The following SEMA6A variants were observed in gnomAD, a reference collection of about 807,000 sequenced individuals.
SEMA6A encodes the protein semaphorin 6A.
In SEMA6A, 25 loss-of-function variants were observed where a neutral mutation model predicts 96.8. That is an observed-to-expected ratio of 0.26 (90% CI 0.19 to 0.36). The LOEUF (loss-of-function observed/expected upper bound fraction) is 0.36. Among genes scored for constraint, SEMA6A ranks in the 10% least tolerant of loss-of-function variants. The pLI is 1.00. For synonymous variants in SEMA6A, 612 were observed against 518.0 expected (o/e 1.18, Z -2.46); for missense variants, 1,363 against 1,323.1 (o/e 1.03, Z -0.47).
intron 1 of SEMA6A, among the ~76,000 whole-genome samples, chr5:116,530,720 C>G (rs1164656972): frequency 6.6e-6 from 1 of 151,986 alleles, no homozygotes; most frequent in African/African-American, 2.4e-5. Flanking sequence ...AAATTTTTAC[C>G]TTTAAAAACA....
At chr5:116,513,525 C>T (rs1758518165) in intron 1 of SEMA6A, among the ~76,000 whole-genome samples, 1 of 152,044 alleles carries the variant, frequency 6.6e-6, no homozygotes, top group Non-Finnish European at 1.5e-5. Context: ...ACATGTATGG[C>T]TTACTTGTAA....
chr5:116,521,874 C>T (rs6898539), intron 1 of SEMA6A, among the ~76,000 whole-genome samples: 3,781 of 152,080 alleles, frequency 0.025, 152 homozygotes, highest in African/African-American at 0.087. Flanking sequence ...AGTTGTTATA[C>T]ACCAGAAAAA....
intron 1 of SEMA6A, among the ~76,000 whole-genome samples, chr5:116,517,401 G>T (rs1758721412): frequency 6.6e-6 from 1 of 151,984 alleles, no homozygotes; most frequent in African/African-American, 2.4e-5. Flanking sequence ...TCCCAACACT[G>T]GTTTTGCTAA....
chr5:116,468,054 C>CCCAACA (rs774971431), intron 17 of SEMA6A: 217 of 338,174 alleles, frequency 6.4e-4, no homozygotes, highest in Admixed American at 1.1e-3. Flanking sequence ...AAAGATACCT[C>CCCAACA]TCGGTGTTGG....
At chr5:116,508,780 A>G (rs1239571339) in intron 1 of SEMA6A, among the ~76,000 whole-genome samples, 3 of 152,138 alleles carry the variant, frequency 2.0e-5, no homozygotes, top group African/African-American at 7.2e-5. Context: ...CTCTCTCCAG[A>G]CGGAAACATT....
chr5:116,468,764 A>G (rs1193685195), intron 17 of SEMA6A: 1 of 152,162 alleles, frequency 6.6e-6, no homozygotes, highest in Non-Finnish European at 1.5e-5. Flanking sequence ...ACACAGAACA[A>G]CCTCTTGAAC....
At chr5:116,505,878 GA>G (rs11290509) in intron 1 of SEMA6A, among the ~76,000 whole-genome samples, 142,376 of 145,048 alleles carry the variant, frequency 0.98, 69,867 homozygotes, top group Middle Eastern at 1. Context: ...TGGATACAGT[GA>G]AAAAAAAAAA....
chr5:116,520,161 T>C (rs890028450), intron 1 of SEMA6A, among the ~76,000 whole-genome samples: 2 of 152,204 alleles, frequency 1.3e-5, no homozygotes, highest in Middle Eastern at 3.4e-3. Context: ...TCATGGACTT[T>C]CTGCTCTCTC....
At chr5:116,484,565 A>G (rs577157952) in intron 10 of SEMA6A, among the ~76,000 whole-genome samples, 8 of 152,234 alleles carry the variant, frequency 5.3e-5, no homozygotes, top group African/African-American at 1.9e-4. Context: ...CGGAGGTTGC[A>G]GCGAGTAGAG....
intron 1 of SEMA6A, among the ~76,000 whole-genome samples, chr5:116,567,015 G>A (rs1761050717): frequency 6.6e-6 from 1 of 152,142 alleles, no homozygotes; most frequent in African/African-American, 2.4e-5. Flanking sequence ...TTGTCATTAT[G>A]AGTTGCTTTC....
chr5:116,502,384 A>C, intron 2 of SEMA6A, 57 bp from the exon 3 acceptor site: 1 of 1,439,642 alleles, frequency 6.9e-7, no homozygotes, highest in Non-Finnish European at 9.8e-7. Context: ...AGGAATTGAC[A>C]GGGTAGGGAG....
intron 1 of SEMA6A, among the ~76,000 whole-genome samples, chr5:116,533,909 A>G (rs1015986711): frequency 6.6e-6 from 1 of 152,066 alleles, no homozygotes; most frequent in African/African-American, 2.4e-5. Flanking sequence ...AGCCTCCACA[A>G]GGCAGCCATC....
intron 16 of SEMA6A, among the ~76,000 whole-genome samples, chr5:116,474,113 A>C (rs984483910): frequency 6.6e-6 from 1 of 152,172 alleles, no homozygotes; most frequent in Admixed American, 6.5e-5. Flanking sequence ...TGGACATTTT[A>C]TAGACACAGT....
chr5:116,497,262 C>A lies in SEMA6A; in HGVS notation c.279+65G>T, dbSNP rs940339705. ...ACATCATCTTAATGCACTTAAAATA[C>A]ATATTCTGTTCAAGAACTATCCAAA... On this transcript the variant is annotated intron_variant, in intron 4 of 18. Transcript: ENST00000343348. The A allele has an allele frequency of 3.1e-6, 3 of 968,218 alleles. No individual in the cohort carries two copies. The African/African-American group carries it at 4.9e-5, about 16-fold the overall frequency. 60.0% of individuals were successfully genotyped at this position (968,218 alleles called of 1,614,324 possible).
At chr5:116,569,306 C>A (rs1434390385) in intron 1 of SEMA6A, among the ~76,000 whole-genome samples, 1 of 151,988 alleles carries the variant, frequency 6.6e-6, no homozygotes. Context: ...AAGAACCATC[C>A]CAAGGCATGA....
At chr5:116,474,487 CAT>C (rs1409953121) in intron 16 of SEMA6A, among the ~76,000 whole-genome samples, 1 of 152,030 alleles carries the variant, frequency 6.6e-6, no homozygotes, top group Admixed American at 6.6e-5. Context: ...GTGTGTAAGA[CAT>C]AATAAGAATT....
chr5:116,447,416 G>C lies in SEMA6A; in HGVS notation c.2290C>G (p.Leu764Val), dbSNP rs371026428. ...ALPTPESTPT[L>V]QQKRKPSRGS... ...CGGCTGGGCTTCCGCTTCTGCTGCA[G>C]CGTTGGGGTTGACTCTGGGGTGGGG... is the stretch of plus-strand genomic sequence containing the variant. Residue 764 changes from leucine (L) to valine (V), a missense_variant, in exon 19 of 19, where the codon CTG becomes GTG. This residue lies in a region of SEMA6A where 883 missense variants were observed against 763.6 expected (regional missense o/e 1.16). Coordinates refer to ENST00000343348, the MANE Select transcript of SEMA6A (RefSeq NM_020796.5). 8.1e-6 allele frequency: 13 copies of C among 1,614,078 alleles called. No homozygotes were observed. The highest frequency in any genetic ancestry group is 8.0e-5 in the African/African-American group (6 of 75,076).
chr5:116,464,344 T>C (rs1755598010), intron 18 of SEMA6A, among the ~76,000 whole-genome samples: 1 of 152,188 alleles, frequency 6.6e-6, no homozygotes, highest in African/African-American at 2.4e-5. Flanking sequence ...GCTGTGTTTT[T>C]ACTAATGAAT....
chr5:116,474,943 T>C (rs1756375217), intron 16 of SEMA6A, among the ~76,000 whole-genome samples: 1 of 152,172 alleles, frequency 6.6e-6, no homozygotes, highest in Non-Finnish European at 1.5e-5. Context: ...TTACGTAAAG[T>C]TCTAACTAAA....
Sources: gnomAD v4.1 joint callset for allele counts (sites outside exome capture counted in the v4.1 genomes callset) on GRCh38, gnomAD v4.1.1 for gene constraint, gnomAD v4.1.1 regional missense constraint, MANE v1.5 for transcripts, NCBI Gene and HGNC (gene_info 2026-07-23, HGNC 2026-07-21) for gene names.